CRABP1: variants seen among roughly 807,000 people sequenced by gnomAD.
The protein encoded by CRABP1 is cellular retinoic acid-binding protein 1.
Under a neutral mutation model 16.4 loss-of-function variants are expected in CRABP1, and 9 were observed. That is an observed-to-expected ratio of 0.55 (90% CI 0.33 to 0.96). The LOEUF (loss-of-function observed/expected upper bound fraction) is 0.96. Among genes scored for constraint, CRABP1 ranks in the 40% least tolerant of loss-of-function variants. CRABP1 has a pLI of 0.03. For synonymous variants in CRABP1, 72 were observed against 70.4 expected (o/e 1.02, Z -0.11); for missense variants, 157 against 186.0 (o/e 0.84, Z 0.91).
intron 2 of CRABP1, among the ~76,000 whole-genome samples, chr15:78,342,716 T>C (rs1350771940): frequency 6.6e-6 from 1 of 152,204 alleles, no homozygotes; most frequent in Non-Finnish European, 1.5e-5. Flanking sequence ...GGTTTATCAG[T>C]GCAGGGGTGC....
chr15:78,347,683 A>G, intron 3 of CRABP1: 2 of 412,350 alleles, frequency 4.9e-6, no homozygotes, highest in Non-Finnish European at 8.5e-6. Flanking sequence ...AGCATTTTAC[A>G]GGTTCCATAA....
At chr15:78,343,755 G>C (rs1217496198) in intron 3 of CRABP1, 143 bp downstream of exon 3, 1 of 632,680 alleles carries the variant, frequency 1.6e-6, no homozygotes, top group African/African-American at 1.8e-5. Context: ...GAAAACCCGA[G>C]ATGACAGTTC....
chr15:78,344,810 G>A (rs142903124), intron 3 of CRABP1, among the ~76,000 whole-genome samples: 11 of 151,628 alleles, frequency 7.3e-5, no homozygotes, highest in South Asian at 2.1e-4. Context: ...TCAGCTACTC[G>A]GAGGCTGAAG....
In CRABP1 at chr15:78,348,060, C is replaced by T. The variant is rs1038468111; in HGVS notation, c.*83C>T. The stretch of plus-strand genomic sequence containing the variant: ...TCATAGTTCTGAGCTGCCAGTGGAC[C>T]GCCCTTTTCCCCTACCAATATTAGG... On this transcript the variant is annotated 3_prime_UTR_variant, in exon 4 of 4. Coordinates refer to ENST00000299529, the MANE Select transcript of CRABP1 (RefSeq NM_004378.3). 38 of 1,319,776 alleles carry T rather than the reference C, an allele frequency of 2.9e-5. No individual in the cohort carries two copies. The highest frequency in any genetic ancestry group is 1.8e-4 in the South Asian group (15 of 81,916). 81.8% of individuals were successfully genotyped at this position (1,319,776 alleles called of 1,614,324 possible).
At chr15:78,340,527 C>G (rs373846623) in intron 1 of CRABP1, 29 bp downstream of exon 1, 3 of 1,594,778 alleles carry the variant, frequency 1.9e-6, no homozygotes, top group South Asian at 1.1e-5. Flanking sequence ...CGCGCCCCGA[C>G]GGGGAGATGC....
chr15:78,340,578 G>A, intron 1 of CRABP1, 80 bp downstream of exon 1: 1 of 1,514,332 alleles, frequency 6.6e-7, no homozygotes, highest in South Asian at 1.2e-5. Flanking sequence ...CCCGGTCCTG[G>A]AGGGGGTGGA....
chr15:78,346,659 G>C (rs2050267246), intron 3 of CRABP1, among the ~76,000 whole-genome samples: 1 of 152,122 alleles, frequency 6.6e-6, no homozygotes, highest in African/African-American at 2.4e-5. Context: ...ACAGAGTAAG[G>C]CCGTCTCAAA....
chr15:78,345,663 C>T (rs952334338), intron 3 of CRABP1, among the ~76,000 whole-genome samples: 5 of 152,154 alleles, frequency 3.3e-5, no homozygotes, highest in Non-Finnish European at 7.4e-5. Flanking sequence ...TTCAAATCCT[C>T]CCTCCTCCCA....
intron 3 of CRABP1, among the ~76,000 whole-genome samples, chr15:78,346,784 C>T (rs1272397722): frequency 2.0e-5 from 3 of 152,166 alleles, no homozygotes; most frequent in South Asian, 2.1e-4. Flanking sequence ...GAGAGCATCT[C>T]GTGACCAACT....
chr15:78,340,959 A>T, intron 1 of CRABP1, 84 bp from the exon 2 acceptor site: 5 of 1,382,338 alleles, frequency 3.6e-6, no homozygotes, highest in Non-Finnish European at 4.8e-6. Context: ...CCCCTTTCTA[A>T]AGTTAGGGTA....
Position 78,341,963 on chromosome 15 carries a change from T to C in CRABP1, c.249+742T>C, listed in dbSNP as rs2050237964. ...AAATAATCACCGGTGCTACCACTTA[T>C]TTAAAAAGTGACAGAATGTCTCCCT... On this transcript the variant is annotated intron_variant, in intron 2 of 3. Coordinates refer to ENST00000299529, the MANE Select transcript of CRABP1 (RefSeq NM_004378.3). This position sits in a 1 kb window ranked among gnomAD's most constrained non-coding sequence, Gnocchi z 5.3. Among the ~76,000 whole-genome samples, 1 of 152,140 alleles carries C rather than the reference T, an allele frequency of 6.6e-6. No individual in the cohort carries two copies. The highest frequency in any genetic ancestry group is 2.1e-4 in the South Asian group (1 of 4,830).
intron 3 of CRABP1, among the ~76,000 whole-genome samples, chr15:78,344,809 C>T (rs530498444): frequency 1.7e-4 from 25 of 150,872 alleles, no homozygotes; most frequent in African/African-American, 5.6e-4. Flanking sequence ...CTCAGCTACT[C>T]GGAGGCTGAA....
intron 1 of CRABP1, 56 bp downstream of exon 1, chr15:78,340,554 G>A (rs2050226931): frequency 1.3e-6 from 2 of 1,570,672 alleles, no homozygotes; most frequent in South Asian, 2.3e-5. Flanking sequence ...GAGGTGCCCT[G>A]GTCCCGGAAG....
In CRABP1 at chr15:78,341,510, T is replaced by G; in HGVS notation, c.249+289T>G. On this transcript the variant is annotated intron_variant, in intron 2 of 3. Coordinates refer to ENST00000299529, the MANE Select transcript of CRABP1 (RefSeq NM_004378.3). The surrounding 1 kb of genome is among the most constrained non-coding windows in gnomAD (Gnocchi z 5.3). ...TGCGCCGCGTTCCCAGCAGTGGCTT[T>G]TGCAGCGGTTTGCAGCGCCAAGCGC... 1 of 391,170 alleles carries G rather than the reference T, an allele frequency of 2.6e-6. No individual in the cohort carries two copies. Among genetic ancestry groups the G allele is most frequent in the Admixed American group, 3.8e-5 (1 of 26,414 alleles). The allele number at this position is 391,170 out of a possible 1,614,324, so 24.2% of individuals were successfully genotyped here.
At chr15:78,346,358 A>C (rs1026988551) in intron 3 of CRABP1, among the ~76,000 whole-genome samples, 2 of 152,186 alleles carry the variant, frequency 1.3e-5, no homozygotes, top group Non-Finnish European at 2.9e-5. Flanking sequence ...CAGTCTGGTC[A>C]GGAGATCCCT....
At position 78,341,116 on chromosome 15, in the gene CRABP1, G is replaced by C. The variant is rs1414321925; in HGVS notation, c.144G>C (p.Gly48=). 1 of 1,613,020 alleles carries C rather than the reference G, an allele frequency of 6.2e-7. No individual in the cohort carries two copies. Among genetic ancestry groups the C allele is most frequent in the Admixed American group, 1.7e-5 (1 of 59,900 alleles). ...SKPHVEIRQD[G]DQFYIKTSTT... ...CGCACGTGGAGATCCGCCAGGACGG[G>C]GATCAGTTCTACATCAAGACATCCA... The change falls in exon 2 of 4, where the codon GGG becomes GGC. Residue 48 remains glycine, a synonymous_variant. Transcript: ENST00000299529. This position sits in a 1 kb window ranked among gnomAD's most constrained non-coding sequence, Gnocchi z 5.3.
chr15:78,340,560 G>T (rs1310416920), intron 1 of CRABP1, 62 bp downstream of exon 1: 2 of 1,562,788 alleles, frequency 1.3e-6, no homozygotes, highest in African/African-American at 2.7e-5. Context: ...CCCTGGTCCC[G>T]GAAGTGCCCC....
chr15:78,347,818 T>C (rs1396239530), intron 3 of CRABP1, 109 bp from the exon 4 acceptor site: 1 of 1,002,264 alleles, frequency 1.0e-6, no homozygotes. Flanking sequence ...TGAATGTCTG[T>C]TACAAAGAGT....
Position 78,348,091 on chromosome 15 carries a change from C to G in CRABP1, c.*114C>G. On this transcript the variant is annotated 3_prime_UTR_variant, in exon 4 of 4. Coordinates refer to ENST00000299529, the MANE Select transcript of CRABP1 (RefSeq NM_004378.3). ...TTTCCCCTACCAATATTAGGTGATC[C>G]CGTTTTCCCCATGACAATGTTGTAG... 1 of 988,212 alleles carries G rather than the reference C, an allele frequency of 1.0e-6. No individual in the cohort carries two copies. The highest frequency in any genetic ancestry group is 1.5e-6 in the Non-Finnish European group (1 of 645,306). 61.2% of individuals were successfully genotyped at this position (988,212 alleles called of 1,614,324 possible). A position where few individuals can be genotyped will look rare whatever the true frequency, so the allele number is the denominator to read the frequency against.
Sources: gnomAD v4.1 joint callset for allele counts (sites outside exome capture counted in the v4.1 genomes callset) on GRCh38, gnomAD v4.1.1 for gene constraint, Gnocchi (gnomAD v3.1) non-coding constraint, MANE v1.5 for transcripts, NCBI Gene and HGNC (gene_info 2026-07-23, HGNC 2026-07-21) for gene names.